The following DYNC2I2 variants were observed in gnomAD, a reference collection of about 807,000 sequenced individuals.
DYNC2I2 encodes the protein dynein 2 intermediate chain 2, also known as cytoplasmic dynein 2 intermediate chain 2.
DYNC2I2 carries 39 observed loss-of-function variants against 52.0 expected under a neutral mutation model. The observed-to-expected ratio is 0.75, with a 90% CI of 0.58 to 0.98. The LOEUF (loss-of-function observed/expected upper bound fraction) is 0.98, where lower values mean the gene tolerates loss of function less well. Among genes scored for constraint, DYNC2I2 ranks in the 50% least tolerant of loss-of-function variants. The probability of loss-of-function intolerance (pLI) is 0.00; values close to 1 mark genes in which losing one functional copy is unlikely to be tolerated. For missense variants in DYNC2I2, 743 were observed against 728.4 expected, an observed-to-expected ratio of 1.02 and a Z score of -0.23; for synonymous variants, 359 against 321.1, an observed-to-expected ratio of 1.12 and a Z score of -1.26.
Position 128,636,273 on chromosome 9 carries a change from CA to C in DYNC2I2, c.703+7del. The C allele has an allele frequency of 1.3e-6, 2 of 1,560,434 alleles. No homozygotes were observed. Among genetic ancestry groups the C allele is most frequent in the African/African-American group, 2.7e-5 (2 of 73,786 alleles). On this transcript the variant is annotated splice_region_variant and intron_variant, in intron 4 of 8. Coordinates refer to ENST00000372715, the MANE Select transcript of DYNC2I2 (RefSeq NM_052844.4). ...GAGGAGAGGAGGCGGACACAGCAGG[CA>C]GCTCACCTGCGACGTGGGAGGGCTG...
the DYNC2I2 span, among the ~76,000 whole-genome samples, chr9:128,663,765 A>G: frequency 6.9e-6 from 1 of 145,670 alleles, no homozygotes; most frequent in African/African-American, 2.6e-5. Flanking sequence ...GTGATCTCCC[A>G]GCTCAGCCTC....
At chr9:128,636,507 C>T (rs1384059947) in intron 3 of DYNC2I2, 69 bp from the exon 4 acceptor site, 35 of 1,511,904 alleles carry the variant, frequency 2.3e-5, no homozygotes, top group Middle Eastern at 2.2e-4. Context: ...CCACCTCTCT[C>T]CCCACTAGCC....
At chr9:128,643,713 G>A (rs191480432) in intron 1 of DYNC2I2, among the ~76,000 whole-genome samples, 25 of 152,232 alleles carry the variant, frequency 1.6e-4, no homozygotes, top group Non-Finnish European at 2.6e-4. Flanking sequence ...TGGACTCTGG[G>A]AATCGTGGAA....
chr9:128,638,102 G>A (rs972068112), intron 2 of DYNC2I2, among the ~76,000 whole-genome samples: 1 of 151,760 alleles, frequency 6.6e-6, no homozygotes, highest in Admixed American at 6.6e-5. Flanking sequence ...CTGGGCATGG[G>A]GGTCAGAGCC....
At chr9:128,682,123 A>T in the DYNC2I2 span, among the ~76,000 whole-genome samples, 19 of 149,730 alleles carry the variant, frequency 1.3e-4, no homozygotes, top group African/African-American at 4.7e-4. Context: ...ATCTCCACTC[A>T]CTGCGATCTC....
intron 1 of DYNC2I2, among the ~76,000 whole-genome samples, chr9:128,647,460 G>A (rs1381740514): frequency 6.6e-6 from 1 of 152,144 alleles, no homozygotes; most frequent in Non-Finnish European, 1.5e-5. Flanking sequence ...CAGGGGCCAG[G>A]CGCTATGGCT....
chr9:128,653,030 ACCAGCCTGG>A (rs1470931597), intron 1 of DYNC2I2, among the ~76,000 whole-genome samples: 1 of 150,354 alleles, frequency 6.7e-6, no homozygotes, highest in African/African-American at 2.5e-5. Context: ...GGAGTTCAAG[ACCAGCCTGG>A]CCAGCATGGT....
the DYNC2I2 span, among the ~76,000 whole-genome samples, chr9:128,673,842 C>T: frequency 7.4e-6 from 1 of 134,758 alleles, no homozygotes; most frequent in Non-Finnish European, 1.6e-5. Flanking sequence ...AAGTTTCACT[C>T]TTGTTGCCCA....
intron 1 of DYNC2I2, among the ~76,000 whole-genome samples, chr9:128,641,869 G>C (rs959384845): frequency 5.3e-5 from 8 of 151,976 alleles, no homozygotes; most frequent in Admixed American, 5.3e-4. Context: ...CTGCTTGTCT[G>C]TGTCCTACTG....
intron 5 of DYNC2I2, 88 bp from the exon 6 acceptor site, chr9:128,635,347 GAAAA>G (rs1027007055): frequency 5.0e-5 from 58 of 1,169,586 alleles, no homozygotes; most frequent in Non-Finnish European, 6.4e-5. Flanking sequence ...TCTCTTCCAG[GAAAA>G]AAAAAAATTC....
At chr9:128,654,243 G>A (rs1177155729) in intron 1 of DYNC2I2, among the ~76,000 whole-genome samples, 2 of 152,116 alleles carry the variant, frequency 1.3e-5, no homozygotes, top group Non-Finnish European at 2.9e-5. Flanking sequence ...TAGGCCTGAG[G>A]TAAGAAATCT....
the DYNC2I2 span, among the ~76,000 whole-genome samples, chr9:128,668,245 C>T: frequency 9.5e-5 from 13 of 136,900 alleles, no homozygotes; most frequent in East Asian, 2.4e-3. Context: ...AGGCGTGAGC[C>T]ACCACGCCCG....
chr9:128,656,680 G>A lies in DYNC2I2; in HGVS notation c.47C>T (p.Ala16Val). Residue 16 changes from alanine (A) to valine (V), a missense_variant, in exon 1 of 9, where the codon GCT becomes GTT. Ala to Val is a moderately conservative substitution (Grantham distance 64). Transcript: ENST00000372715. ...QPGPLSQAGS[A>V]GVAALATVGV... is the part of the protein sequence containing the mutation. ...GACTGTCGCCAGCGCCGCAACACCA[G>A]CGCTTCCCGCCTGGCTGAGTGGCCC... 2.0e-6 allele frequency: 3 copies of A among 1,503,370 alleles called. No individual in the cohort carries two copies. The highest frequency in any genetic ancestry group is 1.3e-5 in the South Asian group (1 of 78,846). The allele number at this position is 1,503,370 out of a possible 1,614,324, so 93.1% of individuals were successfully genotyped here.
chr9:128,662,704 A>G, the DYNC2I2 span, among the ~76,000 whole-genome samples: 2 of 152,024 alleles, frequency 1.3e-5, no homozygotes, highest in Non-Finnish European at 2.9e-5. Flanking sequence ...TTCAGCCTAC[A>G]GAGTAGCTGG....
the DYNC2I2 span, among the ~76,000 whole-genome samples, chr9:128,682,639 T>C: frequency 6.6e-6 from 1 of 150,994 alleles, no homozygotes; most frequent in Non-Finnish European, 1.5e-5. Context: ...ATCACTAATG[T>C]ACTTGAGCCT....
intron 1 of DYNC2I2, among the ~76,000 whole-genome samples, chr9:128,641,248 G>A (rs908105304): frequency 1.3e-5 from 2 of 152,150 alleles, no homozygotes; most frequent in African/African-American, 4.8e-5. Flanking sequence ...ATTCGGAGGA[G>A]TCAGAGGGCT....
chr9:128,635,325 C>A, intron 5 of DYNC2I2, 66 bp from the exon 6 acceptor site: 1 of 1,522,096 alleles, frequency 6.6e-7, no homozygotes, highest in East Asian at 2.3e-5. Context: ...CACGCTCCAC[C>A]CCTACCCTCC....
intron 2 of DYNC2I2, 142 bp from the exon 3 acceptor site, chr9:128,637,169 C>T (rs1589430249): frequency 9.8e-6 from 6 of 615,064 alleles, no homozygotes; most frequent in South Asian, 5.7e-5. Flanking sequence ...AAATGTGGCA[C>T]GTTCATCCCC....
the DYNC2I2 span, among the ~76,000 whole-genome samples, chr9:128,675,068 A>T: frequency 1.3e-5 from 2 of 152,084 alleles, no homozygotes; most frequent in Non-Finnish European, 2.9e-5. Context: ...CATTACACTA[A>T]GGCTATGTTG....
Sources: gnomAD v4.1 joint callset for allele counts (sites outside exome capture counted in the v4.1 genomes callset) on GRCh38, gnomAD v4.1.1 for gene constraint, MANE v1.5 for transcripts, NCBI Gene and HGNC (gene_info 2026-07-23, HGNC 2026-07-21) for gene names.